Variants in CDH23 observed in about 807,000 individuals in gnomAD.
CDH23 encodes cadherin-23.
A neutral mutation model predicts 317.1 loss-of-function variants in CDH23; 189 were observed. That is an observed-to-expected ratio of 0.60 (90% CI 0.53 to 0.67). CDH23 has a LOEUF of 0.67. Among genes scored for constraint, CDH23 ranks in the 30% least tolerant of loss-of-function variants. CDH23 has a pLI of 0.00. For missense variants in CDH23, 4,401 were observed against 4,592.4 expected (o/e 0.96, Z 1.20); for synonymous variants, 1,839 against 1,876.8 (o/e 0.98, Z 0.52).
At chr10:71,801,103 C>T (rs1315303268) in intron 53 of CDH23, among the ~76,000 whole-genome samples, 1 of 150,408 alleles carries the variant, frequency 6.6e-6, no homozygotes, top group Non-Finnish European at 1.5e-5. Flanking sequence ...AGTCCAGAAA[C>T]CAAACATAAT....
chr10:71,710,745 G>A (rs931240958), intron 27 of CDH23, among the ~76,000 whole-genome samples: 3 of 152,242 alleles, frequency 2.0e-5, no homozygotes, highest in Non-Finnish European at 4.4e-5. Context: ...TCAGGCAGAG[G>A]CACCAGCCCA....
chr10:71,409,014 C>CT (rs1848235215), intron 1 of CDH23, among the ~76,000 whole-genome samples: 1 of 152,228 alleles, frequency 6.6e-6, no homozygotes, highest in African/African-American at 2.4e-5. Context: ...CTCTTGCACC[C>CT]TGCCCCTTGG....
Position 71,510,624 on chromosome 10 carries a change from C to A in CDH23, c.289-330C>A, listed in dbSNP as rs146629485. On this transcript the variant is annotated intron_variant, in intron 4 of 69. Transcript: ENST00000224721. ...GTAAAGACGTGAACACATCCCCAAC[C>A]CTTACCCTCTCCTTGAGTTTGAGGA... Among the ~76,000 whole-genome samples, 963 of 152,202 alleles carry A rather than the reference C, an allele frequency of 6.3e-3. 11 individuals carry two copies. The highest frequency in any genetic ancestry group is 0.022 in the African/African-American group (908 of 41,514).
At chr10:71,706,819 TGCTGGAGACGCTGCTCTGGA>T in intron 25 of CDH23, 58 bp from the exon 26 acceptor site, 7 of 1,514,314 alleles carry the variant, frequency 4.6e-6, no homozygotes, top group Non-Finnish European at 5.3e-6. Context: ...CTTGGTCTGG[TGCTGGAGACGCTGCTCTGGA>T]GCTGGGTCTT....
chr10:71,681,905 G>A (rs1864668608), intron 17 of CDH23, among the ~76,000 whole-genome samples: 1 of 152,184 alleles, frequency 6.6e-6, no homozygotes, highest in African/African-American at 2.4e-5. Context: ...CCCCAGTGCT[G>A]GGCAACTTCT....
At chr10:71,571,952 C>A (rs966800777) in intron 8 of CDH23, among the ~76,000 whole-genome samples, 1 of 152,338 alleles carries the variant, frequency 6.6e-6, no homozygotes, top group East Asian at 1.9e-4. Flanking sequence ...CTGGGCCTGA[C>A]CCCTCATTTG....
At position 71,742,124 on chromosome 10, in the gene CDH23, G is replaced by A. The variant is rs1839753193; in HGVS notation, c.4845+203G>A. On this transcript the variant is annotated intron_variant, in intron 38 of 69. Transcript: ENST00000224721. ...TGTTGCGTGCAAAGCTGGGGTGCTA[G>A]TTTGGCCTCCCGAGTCTATAGCTAC... 4.8e-5 allele frequency: 28 copies of A among 588,842 alleles called. No individual in the cohort carries two copies. The East Asian group carries it at 7.5e-4, about 16-fold the overall frequency. 36.5% of individuals were successfully genotyped at this position (588,842 alleles called of 1,614,324 possible).
chr10:71,448,502 TA>T (rs988973502), intron 3 of CDH23, among the ~76,000 whole-genome samples: 2 of 152,196 alleles, frequency 1.3e-5, no homozygotes, highest in African/African-American at 4.8e-5. Context: ...CTCTTCTCTC[TA>T]GGCAGGGGGT....
intron 14 of CDH23, among the ~76,000 whole-genome samples, chr10:71,656,083 C>G (rs1473139020): frequency 6.6e-6 from 1 of 152,156 alleles, no homozygotes; most frequent in Non-Finnish European, 1.5e-5. Flanking sequence ...GGGCTGGAGG[C>G]CTTCTGAATG....
intron 38 of CDH23, among the ~76,000 whole-genome samples, chr10:71,763,333 T>C (rs887257800): frequency 2.6e-5 from 4 of 152,232 alleles, no homozygotes; most frequent in Non-Finnish European, 5.9e-5. Context: ...TTAAATGGCA[T>C]GTCAGGCTGT....
intron 3 of CDH23, among the ~76,000 whole-genome samples, chr10:71,475,606 G>T (rs114604270): frequency 6.6e-6 from 1 of 152,204 alleles, no homozygotes; most frequent in Admixed American, 6.5e-5. Context: ...GTATGCCCGC[G>T]TGACAATTGA....
intron 8 of CDH23, among the ~76,000 whole-genome samples, chr10:71,575,578 C>T (rs1488426632): frequency 6.6e-6 from 1 of 152,182 alleles, no homozygotes; most frequent in Non-Finnish European, 1.5e-5. Flanking sequence ...GCCTCTCTCT[C>T]GGAGGCGTCC....
chr10:71,686,877 G>T (rs913558493), intron 18 of CDH23, among the ~76,000 whole-genome samples: 3 of 152,142 alleles, frequency 2.0e-5, no homozygotes, highest in Admixed American at 1.3e-4. Flanking sequence ...GGGCAGGAAA[G>T]TCTCTTCTAA....
intron 1 of CDH23, among the ~76,000 whole-genome samples, chr10:71,400,922 C>T (rs1215506186): frequency 6.6e-6 from 1 of 152,216 alleles, no homozygotes; most frequent in Non-Finnish European, 1.5e-5. Context: ...CCTAATTTCC[C>T]ATTGAACTCA....
At chr10:71,783,344 G>A (rs747756921) in intron 41 of CDH23, among the ~76,000 whole-genome samples, 14 of 152,262 alleles carry the variant, frequency 9.2e-5, no homozygotes, top group East Asian at 3.9e-4. Flanking sequence ...ACCCCGCCCC[G>A]GTCAGCTCTG....
At chr10:71,521,133 C>T (rs1480344550) in intron 6 of CDH23, among the ~76,000 whole-genome samples, 1 of 151,978 alleles carries the variant, frequency 6.6e-6, no homozygotes, top group Non-Finnish European at 1.5e-5. Context: ...ATAATGCCAC[C>T]GAGAGATGTC....
At chr10:71,449,411 T>A (rs1422845664) in intron 3 of CDH23, among the ~76,000 whole-genome samples, 1 of 152,176 alleles carries the variant, frequency 6.6e-6, no homozygotes, top group East Asian at 1.9e-4. Context: ...TGTGGGACGG[T>A]TCCAGGAAGA....
At chr10:71,598,479 G>C (rs1486223889) in intron 9 of CDH23, among the ~76,000 whole-genome samples, 1 of 152,220 alleles carries the variant, frequency 6.6e-6, no homozygotes, top group East Asian at 1.9e-4. Context: ...TGGAGTGGGA[G>C]TGCTATAGGG....
intron 6 of CDH23, among the ~76,000 whole-genome samples, chr10:71,515,496 A>T (rs1418663388): frequency 6.6e-6 from 1 of 151,062 alleles, no homozygotes; most frequent in Admixed American, 6.6e-5. Flanking sequence ...TTCAAAGCCC[A>T]CATCTCACCT....
Sources: allele counts gnomAD v4.1 joint callset (sites outside exome capture counted in the v4.1 genomes callset), GRCh38; gene constraint gnomAD v4.1.1; transcripts MANE v1.5; gene names NCBI Gene and HGNC (gene_info 2026-07-23, HGNC 2026-07-21).